The following CNPY1 variants were observed in gnomAD, a reference collection of about 807,000 sequenced individuals.
CNPY1 encodes the protein protein canopy homolog 1.
Under a neutral mutation model 14.4 loss-of-function variants are expected in CNPY1, and 14 were observed. That is an observed-to-expected ratio of 0.97 (90% CI 0.64 to 1.52). The LOEUF is 1.52. Among genes scored for constraint, CNPY1 ranks in the 40% most tolerant of loss-of-function variants. The pLI, the probability that CNPY1 is intolerant of heterozygous loss-of-function variation, is 0.00. For synonymous variants in CNPY1, 43 were observed against 46.5 expected (o/e 0.92, Z 0.31); for missense variants, 129 against 131.5 (o/e 0.98, Z 0.09).
chr7:155,536,683 A>G lies in CNPY1; in HGVS notation c.99+9148T>C, dbSNP rs1014059400. ...CTGGATGAACAGGACTCGGGCTTGGAGGAGGAGGAGCCACAAGACAGAAGG... is the reference window on the plus strand; with the variant it reads ...CTGGATGAACAGGACTCGGGCTTGGGGGAGGAGGAGCCACAAGACAGAAGG... On this transcript the variant is annotated intron_variant, in intron 2 of 4. Coordinates refer to ENST00000636446, the MANE Select transcript of CNPY1 (RefSeq NM_001393663.1). This position sits in a 1 kb window ranked among gnomAD's most constrained non-coding sequence, Gnocchi z 4.1. 6.6e-6 allele frequency among the ~76,000 whole-genome samples: 1 copy of G among 152,084 alleles called. No individual in the cohort carries two copies. The highest frequency in any genetic ancestry group is 1.5e-5 in the Non-Finnish European group (1 of 68,018).
intron 2 of CNPY1, among the ~76,000 whole-genome samples, chr7:155,528,235 A>C (rs2885342): frequency 0.25 from 37,798 of 152,156 alleles, 5,385 homozygotes; most frequent in East Asian, 0.32. Flanking sequence ...GACCCCTTTT[A>C]ATATAAAATT....
At chr7:155,518,665 C>T (rs371598169) in intron 2 of CNPY1, 28 of 152,316 alleles carry the variant, frequency 1.8e-4, no homozygotes, top group African/African-American at 6.3e-4. Context: ...AGAGTAAGAT[C>T]TTTTACTGTA....
At chr7:155,528,903 A>G (rs1006154575) in intron 2 of CNPY1, among the ~76,000 whole-genome samples, 3 of 152,136 alleles carry the variant, frequency 2.0e-5, no homozygotes, top group East Asian at 1.9e-4. Context: ...TACTAAAAAT[A>G]CAAAAAAATT....
intron 4 of CNPY1, 41 bp from the exon 5 acceptor site, chr7:155,503,146 T>G (rs370495689): frequency 6.7e-7 from 1 of 1,500,070 alleles, no homozygotes; most frequent in Non-Finnish European, 9.1e-7. Context: ...ATTATCACTT[T>G]AGACTCCAGC....
chr7:155,531,637 G>T lies in CNPY1; in HGVS notation c.99+14194C>A, dbSNP rs138903475. Among the ~76,000 whole-genome samples the T allele has an allele frequency of 3.1e-3, 465 of 152,264 alleles. 3 individuals carry two copies. The highest frequency in any genetic ancestry group is 0.011 in the African/African-American group (440 of 41,544). On this transcript the variant is annotated intron_variant, in intron 2 of 4. Transcript: ENST00000636446. The stretch of plus-strand genomic sequence containing the variant: ...AGACACAGCCAGCGTTCAGAGAGGG[G>T]ATAATTCCTTATTTGTACTTCTGTT...
chr7:155,502,966 C>A lies in CNPY1; in HGVS notation c.*102G>T. ...AGACAAACACGGTATAAACAAGAGACAAAATTTTTCTTATCATGAAAGACA... is the reference window on the plus strand; with the variant it reads ...AGACAAACACGGTATAAACAAGAGAAAAAATTTTTCTTATCATGAAAGACA... On this transcript the variant is annotated 3_prime_UTR_variant, in exon 5 of 5. Transcript: ENST00000636446. 2 of 1,073,446 alleles carry A rather than the reference C, an allele frequency of 1.9e-6. No homozygotes were observed. Among genetic ancestry groups the A allele is most frequent in the South Asian group, 1.4e-5 (1 of 70,058 alleles). The allele number at this position is 1,073,446 out of a possible 1,614,324, so 66.5% of individuals were successfully genotyped here.
At chr7:155,505,927 A>G (rs1057394328) in intron 4 of CNPY1, among the ~76,000 whole-genome samples, 1 of 152,242 alleles carries the variant, frequency 6.6e-6, no homozygotes, top group Non-Finnish European at 1.5e-5. Flanking sequence ...TGGATTTTAA[A>G]CAGAAACAAC....
chr7:155,527,046 CTTTCTTTCTT>C (rs1350909028), intron 2 of CNPY1, among the ~76,000 whole-genome samples: 2 of 63,022 alleles, frequency 3.2e-5, no homozygotes, highest in African/African-American at 1.3e-4. Flanking sequence ...TTCTTTCTTT[CTTTCTTTCTT>C]TTTTTTTTTT....
chr7:155,535,846 C>T (rs1057196339), intron 2 of CNPY1, among the ~76,000 whole-genome samples: 6 of 152,142 alleles, frequency 3.9e-5, no homozygotes, highest in East Asian at 1.9e-4. Context: ...GACTTCTCAC[C>T]GATTCTGCTG....
chr7:155,529,721 GACA>G (rs1796901759), intron 2 of CNPY1, among the ~76,000 whole-genome samples: 1 of 151,422 alleles, frequency 6.6e-6, no homozygotes, highest in Non-Finnish European at 1.5e-5. Context: ...CATCTTAACT[GACA>G]ACATCTACAA....
At chr7:155,521,054 A>AGAAG (rs58757238) in intron 2 of CNPY1, among the ~76,000 whole-genome samples, 30,286 of 148,340 alleles carry the variant, frequency 0.2, 3,356 homozygotes, top group East Asian at 0.3. Context: ...AAAAAAAGAA[A>AGAAG]GAAGGAAGGA....
intron 2 of CNPY1, among the ~76,000 whole-genome samples, chr7:155,515,435 G>A (rs1678595723): frequency 6.6e-6 from 1 of 152,170 alleles, no homozygotes; most frequent in Admixed American, 6.5e-5. Flanking sequence ...GCAGGGTGCT[G>A]GGCTCCCCCC....
intron 2 of CNPY1, among the ~76,000 whole-genome samples, chr7:155,530,179 A>T (rs1259675692): frequency 6.6e-6 from 1 of 151,936 alleles, no homozygotes; most frequent in African/African-American, 2.4e-5. Context: ...CAACCACCTT[A>T]GCCTCTTCCT....
chr7:155,532,790 TG>T (rs943956587), intron 2 of CNPY1, among the ~76,000 whole-genome samples: 1 of 152,070 alleles, frequency 6.6e-6, no homozygotes, highest in Non-Finnish European at 1.5e-5. Context: ...ATTATTACAA[TG>T]GAAAAACTGC....
chr7:155,515,338 A>G (rs985150094), intron 2 of CNPY1, among the ~76,000 whole-genome samples: 1 of 140,862 alleles, frequency 7.1e-6, no homozygotes, highest in Non-Finnish European at 1.5e-5. Flanking sequence ...TTCACATCCT[A>G]AGAACAGGCC....
rs1554449557 is a variant in CNPY1 at position 155,527,030 on chromosome 7, T to TTTTCTTTCTTTCTTTC, written c.100-17949_100-17934dup. 3.8e-3 allele frequency among the ~76,000 whole-genome samples: 314 copies of TTTTCTTTCTTTCTTTC among 83,234 alleles called. 44 individuals carry two copies. The highest frequency in any genetic ancestry group is 7.0e-3 in the Middle Eastern group (1 of 142). The allele number at this position is 83,234 out of a possible 152,430, so 54.6% of individuals were successfully genotyped here. ...TAGGCAGCCATGCTTTTCTTTTCTT[T>TTTTCTTTCTTTCTTTC]TTTCTTTCTTTCTTTCTTTCTTTCT... On this transcript the variant is annotated intron_variant, in intron 2 of 4. Coordinates refer to ENST00000636446, the MANE Select transcript of CNPY1 (RefSeq NM_001393663.1).
At position 155,504,405 on chromosome 7, in the gene CNPY1, G is replaced by C. The variant is rs371178684; in HGVS notation, c.401-1300C>G. Among the ~76,000 whole-genome samples, 11 of 151,986 alleles carry C rather than the reference G, an allele frequency of 7.2e-5. No homozygotes were observed. The South Asian group carries it at 1.5e-3, about 20-fold the overall frequency. ...GTGAATGTTAGAACTTCAATATTTTGAAGAGTCTGTGAATGTGCCCTACTT... is the reference window on the plus strand; with the variant it reads ...GTGAATGTTAGAACTTCAATATTTTCAAGAGTCTGTGAATGTGCCCTACTT... On this transcript the variant is annotated intron_variant, in intron 4 of 4. Transcript: ENST00000636446.
intron 2 of CNPY1, among the ~76,000 whole-genome samples, chr7:155,534,558 C>T (rs1469563456): frequency 2.6e-5 from 4 of 152,212 alleles, no homozygotes; most frequent in Non-Finnish European, 4.4e-5. Context: ...ACCGGGAAGG[C>T]GGATCAGCTG....
At chr7:155,534,472 G>A (rs184564313) in intron 2 of CNPY1, among the ~76,000 whole-genome samples, 1 of 152,304 alleles carries the variant, frequency 6.6e-6, no homozygotes, top group East Asian at 1.9e-4. Flanking sequence ...CACTCGATGC[G>A]AACACTTGCT....
Sources: gnomAD v4.1 joint callset for allele counts (sites outside exome capture counted in the v4.1 genomes callset) on GRCh38, gnomAD v4.1.1 for gene constraint, Gnocchi (gnomAD v3.1) non-coding constraint, MANE v1.5 for transcripts, NCBI Gene and HGNC (gene_info 2026-07-23, HGNC 2026-07-21) for gene names.